The following TENM1 variants were observed in gnomAD, a reference collection of about 807,000 sequenced individuals.
TENM1 encodes the protein teneurin transmembrane protein 1, also known as teneurin-1.
In TENM1, 35 loss-of-function variants were observed where a neutral mutation model predicts 174.8. That is an observed-to-expected ratio of 0.20 (90% CI 0.15 to 0.27). The LOEUF (loss-of-function observed/expected upper bound fraction) is 0.27. TENM1 is among the 10% of genes least tolerant of loss of function. TENM1 has a pLI of 1.00. For missense variants in TENM1, 1,633 were observed against 2,130.1 expected (o/e 0.77, Z 4.59); for synonymous variants, 781 against 798.7 (o/e 0.98, Z 0.37).
the TENM1 span, among the ~76,000 whole-genome samples, chrX:124,996,703 A>T: frequency 9.0e-6 from 1 of 110,845 alleles, no homozygotes; most frequent in Non-Finnish European, 1.9e-5. Context: ...CAAATAAGCA[A>T]TTTCGAAGGT....
chrX:124,606,759 T>C (rs1208212364), intron 11 of TENM1, among the ~76,000 whole-genome samples: 1 of 112,035 alleles, frequency 8.9e-6, no homozygotes, highest in Non-Finnish European at 1.9e-5. Context: ...TCTGATATAC[T>C]AATTATGTCA....
intron 3 of TENM1, among the ~76,000 whole-genome samples, chrX:124,876,286 G>A (rs894896124): frequency 1.4e-4 from 16 of 111,137 alleles, no homozygotes; most frequent in South Asian, 3.8e-4. Flanking sequence ...GAAAATCTCC[G>A]CCGTTTTTAA....
intron 15 of TENM1, among the ~76,000 whole-genome samples, chrX:124,537,447 C>G (rs2048228796): frequency 8.9e-6 from 1 of 111,759 alleles, no homozygotes; most frequent in Admixed American, 9.5e-5. Context: ...AAAAGTTTTG[C>G]ACTTAACACA....
intron 15 of TENM1, among the ~76,000 whole-genome samples, chrX:124,533,245 G>A (rs1261341108): frequency 8.9e-6 from 1 of 111,765 alleles, no homozygotes; most frequent in African/African-American, 3.3e-5. Context: ...CTTAATAATT[G>A]TGGATGGTAG....
rs1312608940 is a variant in TENM1, at chrX:124,452,562, C to G, written c.4104+775G>C. 4.5e-5 allele frequency among the ~76,000 whole-genome samples: 5 copies of G among 111,206 alleles called. No homozygotes were observed. The East Asian group carries it at 1.4e-3, about 32-fold the overall frequency. On this transcript the variant is annotated intron_variant, in intron 23 of 31. Coordinates refer to ENST00000422452, the Ensembl canonical transcript of TENM1. ...TATAAATCATGCTGCTATAAAGACA[C>G]ATGCACACGTATGTTTATTGTGGCA...
At chrX:124,693,954 G>C (rs996404453) in intron 5 of TENM1, among the ~76,000 whole-genome samples, 7 of 111,410 alleles carry the variant, frequency 6.3e-5, no homozygotes, top group Non-Finnish European at 1.1e-4. Flanking sequence ...TCTTATTAAA[G>C]TGTAGCTTTT....
intron 3 of TENM1, among the ~76,000 whole-genome samples, chrX:124,774,953 G>A (rs1433308601): frequency 9.1e-6 from 1 of 110,412 alleles, no homozygotes; most frequent in Non-Finnish European, 1.9e-5. Context: ...TCCTTCAAAG[G>A]ATCCTCCAAA....
intron 1 of TENM1, among the ~76,000 whole-genome samples, chrX:124,948,455 C>T: frequency 8.9e-6 from 1 of 112,843 alleles, no homozygotes; most frequent in South Asian, 3.6e-4. Context: ...GATTAATGTG[C>T]ATAAAAAAGA....
chrX:124,918,934 A>C (rs1012647668), intron 1 of TENM1, among the ~76,000 whole-genome samples: 2 of 112,181 alleles, frequency 1.8e-5, no homozygotes, highest in African/African-American at 6.5e-5. Context: ...CCTACACTCC[A>C]GCCACATCTA....
At chrX:124,824,977 A>G (rs979924418) in intron 3 of TENM1, among the ~76,000 whole-genome samples, 3 of 110,700 alleles carry the variant, frequency 2.7e-5, no homozygotes, top group African/African-American at 9.9e-5. Flanking sequence ...TTTAAAAAGG[A>G]CAGAGATTTC....
chrX:124,962,579 G>A (rs909256104), intron 1 of TENM1, among the ~76,000 whole-genome samples: 2 of 111,653 alleles, frequency 1.8e-5, no homozygotes, highest in Admixed American at 9.5e-5. Flanking sequence ...CAGCATTTTC[G>A]GAGGCTGAGG....
chrX:125,124,101 TGTTTG>T, the TENM1 span, among the ~76,000 whole-genome samples: 9 of 112,416 alleles, frequency 8.0e-5, no homozygotes, highest in African/African-American at 2.9e-4. Context: ...TGTGTGACAG[TGTTTG>T]GCCCAGAGAA....
At chrX:124,731,030 TCA>T (rs1423591743) in intron 4 of TENM1, among the ~76,000 whole-genome samples, 1 of 111,138 alleles carries the variant, frequency 9.0e-6, no homozygotes, top group Non-Finnish European at 1.9e-5. Context: ...CCATTCACAT[TCA>T]GTTTGGATTT....
intron 4 of TENM1, among the ~76,000 whole-genome samples, chrX:124,729,610 G>C (rs942575632): frequency 4.4e-5 from 5 of 112,395 alleles, no homozygotes; most frequent in African/African-American, 1.3e-4. Context: ...TGAGAAGAAG[G>C]CTTGGAGAAG....
At chrX:124,939,295 T>A (rs1256920039) in intron 1 of TENM1, among the ~76,000 whole-genome samples, 2 of 111,017 alleles carry the variant, frequency 1.8e-5, no homozygotes, top group Admixed American at 1.9e-4. Context: ...TCCCAATCAG[T>A]CCCTCTCCTA....
At chrX:124,593,647 TA>T (rs1473392458) in intron 11 of TENM1, among the ~76,000 whole-genome samples, 3 of 111,649 alleles carry the variant, frequency 2.7e-5, no homozygotes, top group African/African-American at 6.5e-5. Flanking sequence ...GTGAATGTTC[TA>T]AGTACCTGAA....
At chrX:124,486,197 G>A (rs904558296) in intron 21 of TENM1, among the ~76,000 whole-genome samples, 1 of 111,914 alleles carries the variant, frequency 8.9e-6, no homozygotes, top group Non-Finnish European at 1.9e-5. Context: ...AATGCAAATT[G>A]CAATTTGAGA....
At chrX:124,540,008 C>A (rs1313552005) in intron 15 of TENM1, among the ~76,000 whole-genome samples, 1 of 112,198 alleles carries the variant, frequency 8.9e-6, no homozygotes, top group Non-Finnish European at 1.9e-5. Context: ...TCTTCCCCAT[C>A]AAAACAGTTG....
At chrX:124,705,215 C>T (rs773034884) in exon 5 of TENM1, 1 of 1,204,639 alleles carries the variant, frequency 8.3e-7, no homozygotes, top group Non-Finnish European at 1.1e-6. Flanking sequence ...CACTGAAGAT[C>T]GCAGAGGAAC....
Sources: allele counts gnomAD v4.1 joint callset (sites outside exome capture counted in the v4.1 genomes callset), GRCh38; gene constraint gnomAD v4.1.1; transcripts MANE v1.5; gene names NCBI Gene and HGNC (gene_info 2026-07-23, HGNC 2026-07-21).